Variants in RAI2 observed in about 807,000 individuals in gnomAD.
RAI2 encodes retinoic acid-induced protein 2.
Under a neutral mutation model 15.3 loss-of-function variants are expected in RAI2, and 5 were observed. The observed-to-expected ratio is 0.33, with a 90% confidence interval of 0.17 to 0.69. RAI2 has a LOEUF of 0.69. Among genes scored for constraint, RAI2 ranks in the 30% least tolerant of loss-of-function variants. RAI2 has a pLI of 0.69. For synonymous variants in RAI2, 191 were observed against 184.0 expected, an observed-to-expected ratio of 1.04 and a Z score of -0.31; for missense variants, 424 against 424.7, an observed-to-expected ratio of 1.00 and a Z score of 0.01.
At chrX:17,806,853 G>A (rs1176278935) in intron 1 of RAI2, among the ~76,000 whole-genome samples, 5 of 110,641 alleles carry the variant, frequency 4.5e-5, no homozygotes, top group African/African-American at 1.3e-4. Context: ...TCACGTGGCC[G>A]GCAAGAGGTG....
rs2147201052 is a variant in RAI2 at position 17,800,388 on chromosome X, A to C, written c.*30T>G. On this transcript the variant is annotated 3_prime_UTR_variant, in exon 2 of 2. Coordinates refer to ENST00000451717, the MANE Select transcript of RAI2 (RefSeq NM_021785.6). The stretch of plus-strand genomic sequence containing the variant: ...AAACCAATGCACCTTTCCCCATATT[A>C]TAATCATACAAATTTTAAAAAGCCG... 8.7e-7 allele frequency: 1 copy of C among 1,151,567 alleles called. No homozygotes were observed. The highest frequency in any genetic ancestry group is 2.0e-5 in the South Asian group (1 of 48,784). 94.9% of individuals were successfully genotyped at this position (1,151,567 alleles called of 1,213,427 possible).
At chrX:17,843,341 C>T (rs1319815582) in intron 1 of RAI2, among the ~76,000 whole-genome samples, 1 of 111,493 alleles carries the variant, frequency 9.0e-6, no homozygotes, top group African/African-American at 3.3e-5. Flanking sequence ...CCCAGTTGAA[C>T]ACACCTAAGG....
At chrX:17,807,944 G>A (rs2067000402) in intron 1 of RAI2, among the ~76,000 whole-genome samples, 1 of 111,881 alleles carries the variant, frequency 8.9e-6, no homozygotes, top group Non-Finnish European at 1.9e-5. Context: ...GCATGGAGAC[G>A]GCTATCAATT....
rs1415533123 is a variant in RAI2, at chrX:17,801,855, G to A, written c.156C>T (p.Thr52=). Residue 52 remains threonine (T), a synonymous_variant, in exon 2 of 2, where the codon ACC becomes ACT. Coordinates refer to ENST00000451717, the MANE Select transcript of RAI2 (RefSeq NM_021785.6). ...STDLVKKALV[T]VPAPSILNPP... ...GGTTCAGAATGGATGGGGCTGGCAC[G>A]GTCACCAGGGCCTTCTTTACCAGGT... 12 of 1,208,686 alleles carry A rather than the reference G, an allele frequency of 9.9e-6. No individual in the cohort carries two copies. In the East Asian group the frequency reaches 2.1e-4, roughly 21 times the overall value.
chrX:17,803,081 C>A (rs1185115672), intron 1 of RAI2, among the ~76,000 whole-genome samples: 2 of 111,538 alleles, frequency 1.8e-5, no homozygotes, highest in Non-Finnish European at 3.8e-5. Flanking sequence ...TTTCACTGGG[C>A]AGGCCTTGGG....
chrX:17,816,210 C>T (rs2067106409), intron 1 of RAI2, among the ~76,000 whole-genome samples: 1 of 110,807 alleles, frequency 9.0e-6, no homozygotes, highest in Admixed American at 9.6e-5. Context: ...CAGACTGGTA[C>T]CACCTTGGTG....
intron 1 of RAI2, among the ~76,000 whole-genome samples, chrX:17,853,227 A>G (rs763994652): frequency 8.9e-6 from 1 of 112,184 alleles, no homozygotes; most frequent in East Asian, 2.8e-4. Flanking sequence ...CCTGCCTTGA[A>G]AAAGTCTCTA....
At chrX:17,858,579 A>AT (rs1316153467) in intron 1 of RAI2, among the ~76,000 whole-genome samples, 1 of 112,201 alleles carries the variant, frequency 8.9e-6, no homozygotes, top group Non-Finnish European at 1.9e-5. Context: ...CTTCTGGGTC[A>AT]TTACAGCTAG....
intron 1 of RAI2, among the ~76,000 whole-genome samples, chrX:17,824,519 G>A (rs1213474996): frequency 8.9e-6 from 1 of 112,119 alleles, no homozygotes; most frequent in Admixed American, 9.4e-5. Flanking sequence ...GTAGGAGAAA[G>A]CTGACAGGAA....
intron 1 of RAI2, among the ~76,000 whole-genome samples, chrX:17,839,536 C>A (rs931283733): frequency 8.9e-6 from 1 of 112,498 alleles, no homozygotes; most frequent in Non-Finnish European, 1.9e-5. Context: ...CCTTTTTCTG[C>A]TGTTGTTACC....
intron 1 of RAI2, among the ~76,000 whole-genome samples, chrX:17,859,335 C>G (rs1423322138): frequency 8.9e-6 from 1 of 111,841 alleles, no homozygotes; most frequent in Non-Finnish European, 1.9e-5. Context: ...GGGAAAGATT[C>G]CCTGGGAAAA....
Position 17,801,954 on chromosome X carries a change from G to T in RAI2, c.57C>A (p.Ala19=). Residue 19 remains alanine (A), a synonymous_variant, in exon 2 of 2, where the codon GCC becomes GCA. Coordinates refer to ENST00000451717, the MANE Select transcript of RAI2 (RefSeq NM_021785.6). The part of the protein sequence containing the change: ...LSMDMTDSPP[A]LANNRLENGM... ...CATTCTCCAGTCTGTTATTAGCCAA[G>T]GCAGGAGGGGAGTCAGTCATGTCCA... is the stretch of plus-strand genomic sequence containing the variant. The T allele has an allele frequency of 4.1e-6, 5 of 1,211,235 alleles. No individual in the cohort carries two copies. Among genetic ancestry groups the T allele is most frequent in the Non-Finnish European group, 5.6e-6 (5 of 895,087 alleles).
intron 1 of RAI2, among the ~76,000 whole-genome samples, chrX:17,855,033 T>C (rs1480793121): frequency 8.9e-6 from 1 of 111,817 alleles, no homozygotes. Flanking sequence ...GATGATACCA[T>C]AGTGCCAGCC....
intron 1 of RAI2, among the ~76,000 whole-genome samples, chrX:17,808,466 T>G (rs190765026): frequency 1.8e-5 from 2 of 111,489 alleles, no homozygotes; most frequent in African/African-American, 6.5e-5. Context: ...CTGATTTAAT[T>G]ATTCTAGGAT....
At position 17,801,667 on chromosome X, in the gene RAI2, G is replaced by C; in HGVS notation, c.344C>G (p.Thr115Ser). The part of the protein sequence containing the change: ...NPNGNATYVM[T>S]TQGPVQLPVV... ...GGGCAGTTGCACGGGGCCCTGGGTG[G>C]TCATGACGTAGGTGGCATTGCCATT... Residue 115 changes from threonine (T) to serine (S), a missense_variant, in exon 2 of 2, where the codon ACC becomes AGC. Transcript: ENST00000451717. 2 of 1,212,011 alleles carry C rather than the reference G, an allele frequency of 1.7e-6. No individual in the cohort carries two copies. Among genetic ancestry groups the C allele is most frequent in the Non-Finnish European group, 2.2e-6 (2 of 895,585 alleles).
chrX:17,800,712 C>A lies in RAI2; in HGVS notation c.1299G>T (p.Glu433Asp). ...AGACAATGACCTTGGCCGCCTGGGA[C>A]TCGCCCACCATCTCAATGTTATTTT... ...KAENNIEMVGESQAAKVIVSV... is the reference protein window; with the variant it reads ...KAENNIEMVGDSQAAKVIVSV... Residue 433 changes from glutamate (E) to aspartate (D), a missense_variant, in exon 2 of 2, where the codon GAG (glutamate) becomes GAT (aspartate). By Grantham distance (45) the Glu-to-Asp change is conservative. Transcript: ENST00000451717. 1 of 1,211,606 alleles carries A rather than the reference C, an allele frequency of 8.3e-7. No individual in the cohort carries two copies. Among genetic ancestry groups the A allele is most frequent in the Non-Finnish European group, 1.1e-6 (1 of 895,557 alleles).
chrX:17,810,909 C>A (rs1014554153), intron 1 of RAI2, among the ~76,000 whole-genome samples: 9 of 112,710 alleles, frequency 8.0e-5, no homozygotes, highest in Admixed American at 3.7e-4. Flanking sequence ...CAACCTGATA[C>A]CACTTTCTTT....
chrX:17,860,724 C>G (rs966145639), intron 1 of RAI2: 2 of 111,061 alleles, frequency 1.8e-5, no homozygotes, highest in African/African-American at 6.5e-5. Context: ...CGGAGTCCGC[C>G]GTGCACCGCC....
Position 17,841,837 on chromosome X carries a change from C to T in RAI2, c.-25+19261G>A, listed in dbSNP as rs141686584. Among the ~76,000 whole-genome samples the T allele has an allele frequency of 3.9e-3, 433 of 112,305 alleles. 4 individuals are homozygous for T. The highest frequency in any genetic ancestry group is 0.014 in the African/African-American group (426 of 30,924). On this transcript the variant is annotated intron_variant, in intron 1 of 1. Transcript: ENST00000451717. Reference sequence around the variant, plus strand: ...GAAACAGATTATTAAAAAGGCCACTCAATTCTTGGTTATTTCTCTGATTTA... The same window carrying T: ...GAAACAGATTATTAAAAAGGCCACTTAATTCTTGGTTATTTCTCTGATTTA...
Sources: gnomAD v4.1 joint callset for allele counts (sites outside exome capture counted in the v4.1 genomes callset) on GRCh38, gnomAD v4.1.1 for gene constraint, MANE v1.5 for transcripts, NCBI Gene and HGNC (gene_info 2026-07-23, HGNC 2026-07-21) for gene names.